ERCC8: variants seen among roughly 807,000 people sequenced by gnomAD.
ERCC8 encodes the protein DNA excision repair protein ERCC-8.
A neutral mutation model predicts 54.9 loss-of-function variants in ERCC8; 52 were observed. The ratio of observed to expected loss-of-function variants is 0.95; its 90% CI spans 0.76 to 1.19. ERCC8 has a LOEUF of 1.19. Ranked by LOEUF, ERCC8 falls within the 50% of genes most tolerant of loss-of-function variation. ERCC8 has a pLI of 0.00. For synonymous variants in ERCC8, 146 were observed against 157.2 expected (o/e 0.93, Z 0.53); for missense variants, 514 against 466.1 (o/e 1.10, Z -0.95).
chr5:60,938,391 G>A (rs1216089321), intron 1 of ERCC8, among the ~76,000 whole-genome samples: 1 of 121,640 alleles, frequency 8.2e-6, no homozygotes, highest in Non-Finnish European at 1.6e-5. Context: ...GTCTCGCTCT[G>A]TCGCCAGGCT....
chr5:60,890,956 TCTC>T lies in ERCC8; in HGVS notation c.971_973del (p.Gly324del). The T allele has an allele frequency of 1.9e-6, 3 of 1,613,550 alleles. No individual in the cohort carries two copies. The highest frequency in any genetic ancestry group is 2.5e-6 in the Non-Finnish European group (3 of 1,179,680). On this transcript the variant is annotated inframe_deletion, in exon 10 of 12. Coordinates refer to ENST00000676185, the MANE Select transcript of ERCC8 (RefSeq NM_000082.4). The stretch of plus-strand genomic sequence containing the variant: ...ATGTCCCTTAAGCATAGTTATCTGT[TCTC>T]CTGAGTAAACTGTATAAACAGCAAT...
At position 60,904,733 on chromosome 5, in the gene ERCC8, C is replaced by T. The variant is rs1749018866; in HGVS notation, c.481+59G>A. The T allele has an allele frequency of 3.5e-6, 3 of 855,514 alleles. No individual in the cohort carries two copies. In the East Asian group the frequency reaches 9.3e-5, roughly 27 times the overall value. The allele number at this position is 855,514 out of a possible 1,614,324, so 53.0% of individuals were successfully genotyped here. A position where few individuals can be genotyped will look rare whatever the true frequency, so the allele number is the denominator to read the frequency against. ...AAAATGTCTACATCAAAACTAACTACATATAAAAAGGGAGAAAGTTTTCAG... is the reference window on the plus strand; with the variant it reads ...AAAATGTCTACATCAAAACTAACTATATATAAAAAGGGAGAAAGTTTTCAG... On this transcript the variant is annotated intron_variant, in intron 5 of 11. Coordinates refer to ENST00000676185, the MANE Select transcript of ERCC8 (RefSeq NM_000082.4).
intron 7 of ERCC8, among the ~76,000 whole-genome samples, chr5:60,901,392 A>G (rs1399533478): frequency 1.3e-5 from 2 of 151,974 alleles, no homozygotes; most frequent in Admixed American, 1.3e-4. Flanking sequence ...TGTGCTCTAC[A>G]TATTCAACAG....
chr5:60,875,711 T>C (rs4647144), intron 11 of ERCC8, among the ~76,000 whole-genome samples: 9,642 of 152,044 alleles, frequency 0.063, 1,007 homozygotes, highest in African/African-American at 0.22. Flanking sequence ...TTTTTTTTCC[T>C]TTTGAGACAG....
intron 11 of ERCC8, among the ~76,000 whole-genome samples, chr5:60,877,325 C>G (rs1286874818): frequency 1.3e-5 from 2 of 152,178 alleles, no homozygotes; most frequent in African/African-American, 4.8e-5. Context: ...ATGCCTCCAG[C>G]TTTGTTCTTT....
intron 2 of ERCC8, among the ~76,000 whole-genome samples, chr5:60,928,088 A>C (rs943338177): frequency 6.6e-6 from 1 of 152,156 alleles, no homozygotes; most frequent in African/African-American, 2.4e-5. Flanking sequence ...TGCTTCCTTT[A>C]GTTAATGCTA....
chr5:60,910,910 G>A (rs931381283), intron 4 of ERCC8, among the ~76,000 whole-genome samples: 1 of 152,020 alleles, frequency 6.6e-6, no homozygotes, highest in Non-Finnish European at 1.5e-5. Flanking sequence ...TTGAACAGAG[G>A]AAATAATGAG....
chr5:60,898,269 C>A lies in ERCC8; in HGVS notation c.843+7G>T. The stretch of plus-strand genomic sequence containing the variant: ...TATACCCAAATATATACTTAAAAAT[C>A]TCTTACAAGTGTGTTTTCTCCATTG... On this transcript the variant is annotated splice_region_variant and intron_variant, in intron 9 of 11. Coordinates refer to ENST00000676185, the MANE Select transcript of ERCC8 (RefSeq NM_000082.4). 1 of 1,612,936 alleles carries A rather than the reference C, an allele frequency of 6.2e-7. No homozygotes were observed. The highest frequency in any genetic ancestry group is 1.3e-5 in the African/African-American group (1 of 74,986).
intron 9 of ERCC8, among the ~76,000 whole-genome samples, chr5:60,895,325 T>C (rs1325481785): frequency 1.3e-5 from 2 of 152,166 alleles, no homozygotes; most frequent in Non-Finnish European, 2.9e-5. Flanking sequence ...TTACTTTCCC[T>C]TTAGGCTAAC....
At chr5:60,936,370 A>T (rs1750066710) in intron 1 of ERCC8, among the ~76,000 whole-genome samples, 1 of 152,046 alleles carries the variant, frequency 6.6e-6, no homozygotes, top group African/African-American at 2.4e-5. Context: ...AATATCTCCC[A>T]TTTTGTTTCT....
Position 60,868,302 on chromosome 5 carries a change from A to C in ERCC8, c.*6313T>G, listed in dbSNP as rs1747794522. Among the ~76,000 whole-genome samples the C allele has an allele frequency of 1.3e-5, 2 of 152,218 alleles. No homozygotes were observed. On this transcript the variant is annotated 3_prime_UTR_variant, in exon 12 of 12. Coordinates refer to ENST00000676185, the MANE Select transcript of ERCC8 (RefSeq NM_000082.4). ...AGACAGAATAACTAACCAGGTTGGG[A>C]CAGAGACACCCATTTCTTTCTAGAC...
At chr5:60,877,568 A>T (rs1034821108) in intron 11 of ERCC8, among the ~76,000 whole-genome samples, 28 of 152,142 alleles carry the variant, frequency 1.8e-4, no homozygotes, top group Non-Finnish European at 3.7e-4. Flanking sequence ...TGGTTTGTAG[A>T]TCTCCTTGAA....
rs1161769855 is a variant in ERCC8, at chr5:60,868,160, A to G, written c.*6455T>C. Among the ~76,000 whole-genome samples, 1 of 152,232 alleles carries G rather than the reference A, an allele frequency of 6.6e-6. No homozygotes were observed. The highest frequency in any genetic ancestry group is 6.5e-5 in the Admixed American group (1 of 15,282). On this transcript the variant is annotated 3_prime_UTR_variant, in exon 12 of 12. Coordinates refer to ENST00000676185, the MANE Select transcript of ERCC8 (RefSeq NM_000082.4). ...ACACCATTGCCCTCCAGCCTGGGCA[A>G]CAAGACGAAACTAGTTCTGTAAAAC...
At chr5:60,926,695 T>G (rs1749759454) in intron 2 of ERCC8, among the ~76,000 whole-genome samples, 1 of 152,256 alleles carries the variant, frequency 6.6e-6, no homozygotes, top group Non-Finnish European at 1.5e-5. Flanking sequence ...ATTGATAAAA[T>G]GTTTGGACAC....
chr5:60,870,835 G>A lies in ERCC8; in HGVS notation c.*3780C>T, dbSNP rs997576714. On this transcript the variant is annotated 3_prime_UTR_variant, in exon 12 of 12. Coordinates refer to ENST00000676185, the MANE Select transcript of ERCC8 (RefSeq NM_000082.4). ...CCTTCATTGAAAGAGCTCCCAAGAA[G>A]TCTAAGAAGTGACGGAAGAGAATAA... Among the ~76,000 whole-genome samples, 3 of 152,066 alleles carry A rather than the reference G, an allele frequency of 2.0e-5. No homozygotes were observed. The highest frequency in any genetic ancestry group is 7.2e-5 in the African/African-American group (3 of 41,414).
intron 11 of ERCC8, among the ~76,000 whole-genome samples, chr5:60,887,145 T>C (rs1748418313): frequency 6.6e-6 from 1 of 152,248 alleles, no homozygotes; most frequent in Admixed American, 6.5e-5. Flanking sequence ...TGTTCTTCTT[T>C]TGATATTTTT....
At chr5:60,932,566 T>C (rs1749939232) in intron 1 of ERCC8, among the ~76,000 whole-genome samples, 1 of 152,138 alleles carries the variant, frequency 6.6e-6, no homozygotes, top group Non-Finnish European at 1.5e-5. Flanking sequence ...AGGAATAGAG[T>C]GTGTCCTGTG....
intron 1 of ERCC8, among the ~76,000 whole-genome samples, chr5:60,932,365 T>C (rs569174430): frequency 6.6e-6 from 1 of 152,332 alleles, no homozygotes; most frequent in Admixed American, 6.5e-5. Context: ...TGGCTCACTG[T>C]GCCTAAACTA....
intron 11 of ERCC8, among the ~76,000 whole-genome samples, chr5:60,881,847 A>C (rs2112464333): frequency 6.6e-6 from 1 of 152,248 alleles, no homozygotes; most frequent in Non-Finnish European, 1.5e-5. Flanking sequence ...GCTCATGCTC[A>C]GTGCGCTGCA....
Sources: allele counts gnomAD v4.1 joint callset (sites outside exome capture counted in the v4.1 genomes callset), GRCh38; gene constraint gnomAD v4.1.1; transcripts MANE v1.5; gene names NCBI Gene and HGNC (gene_info 2026-07-23, HGNC 2026-07-21).